PCDHGB3: variants seen among roughly 807,000 people sequenced by gnomAD.
PCDHGB3 encodes the protein protocadherin gamma subfamily B, 3, also known as protocadherin gamma-B3.
A neutral mutation model predicts 59.2 loss-of-function variants in PCDHGB3; 40 were observed. That is an observed-to-expected ratio of 0.68 (90% confidence interval 0.52 to 0.88). The LOEUF is 0.88. PCDHGB3 is among the 40% of genes least tolerant of loss of function. The pLI is 0.00. For missense variants in PCDHGB3, 1,309 were observed against 1,187.9 expected (o/e 1.10, Z -1.50); for synonymous variants, 581 against 503.6 (o/e 1.15, Z -2.06).
At chr5:141,386,725 TA>T (rs1200567298) in intron 1 of PCDHGB3, among the ~76,000 whole-genome samples, 3 of 152,182 alleles carry the variant, frequency 2.0e-5, no homozygotes, top group African/African-American at 7.2e-5. Context: ...CCAACAATGT[TA>T]CTGAGGGAAG....
chr5:141,412,343 A>T (rs928223487), intron 1 of PCDHGB3: 2 of 152,166 alleles, frequency 1.3e-5, no homozygotes, highest in African/African-American at 4.8e-5. Context: ...ATATATGTTC[A>T]TTTTAGTTTG....
intron 2 of PCDHGB3, among the ~76,000 whole-genome samples, chr5:141,497,264 A>G (rs2154592078): frequency 6.6e-6 from 1 of 152,258 alleles, no homozygotes; most frequent in East Asian, 1.9e-4. Flanking sequence ...GAGAAGTTCT[A>G]GGCCATTTAT....
intron 1 of PCDHGB3, chr5:141,427,503 A>C (rs1317684577): frequency 6.9e-6 from 4 of 578,118 alleles, no homozygotes; most frequent in Non-Finnish European, 9.8e-6. Flanking sequence ...AACAGATGGG[A>C]CCCTGGATTG....
At chr5:141,390,024 CG>C (rs1561629846) in intron 1 of PCDHGB3, 1 of 1,614,044 alleles carries the variant, frequency 6.2e-7, no homozygotes, top group African/African-American at 1.3e-5. Context: ...CTTGCGCCTG[CG>C]ACGCTCCTCC....
Position 141,376,056 on chromosome 5 carries a change from T to C in PCDHGB3, c.2415+3247T>C, listed in dbSNP as rs768295127. 1.1e-5 allele frequency: 18 copies of C among 1,613,354 alleles called. No individual in the cohort carries two copies. In the South Asian group the frequency reaches 1.9e-4, roughly 17 times the overall value. ...GGCCAGCCCCCTCTCTCCGCCACTG[T>C]CACGCTCACCGTGGCCGTGGCCGAC... On this transcript the variant is annotated intron_variant, in intron 1 of 3. Coordinates refer to ENST00000576222, the MANE Select transcript of PCDHGB3 (RefSeq NM_018924.5).
Position 141,432,741 on chromosome 5 carries a change from C to A in PCDHGB3, c.2415+59932C>A. 6.2e-7 allele frequency: 1 copy of A among 1,614,106 alleles called. No individual in the cohort carries two copies. The highest frequency in any genetic ancestry group is 8.5e-7 in the Non-Finnish European group (1 of 1,179,988). On this transcript the variant is annotated intron_variant, in intron 1 of 3. Transcript: ENST00000576222. The surrounding 1 kb of genome is among the most constrained non-coding windows in gnomAD (Gnocchi z 6.0). ...CCTCTCTCCGCCACTGTCACGCTCA[C>A]CGTGGCCGTGGCCGACAGCATCCCC...
intron 1 of PCDHGB3, among the ~76,000 whole-genome samples, chr5:141,443,679 A>G (rs1158105871): frequency 6.6e-6 from 1 of 152,268 alleles, no homozygotes; most frequent in African/African-American, 2.4e-5. Flanking sequence ...AGTAGTTTAC[A>G]AACACTTCAA....
chr5:141,400,292 G>T, intron 1 of PCDHGB3: 1 of 1,614,078 alleles, frequency 6.2e-7, no homozygotes, highest in South Asian at 1.1e-5. Flanking sequence ...GCCTGGAGCT[G>T]CTTCCAACCT....
In PCDHGB3 at chr5:141,476,432, G is replaced by T; in HGVS notation, c.2416-18375G>T. 6.2e-7 allele frequency: 1 copy of T among 1,614,116 alleles called. No individual in the cohort carries two copies. The highest frequency in any genetic ancestry group is 8.5e-7 in the Non-Finnish European group (1 of 1,180,028). ...GTGTGGGACACTGCCCTCTTGCACT[G>T]TAACTCTGGAGTTGGTAGTGGAGAA... On this transcript the variant is annotated intron_variant, in intron 1 of 3. Coordinates refer to ENST00000576222, the MANE Select transcript of PCDHGB3 (RefSeq NM_018924.5). The surrounding 1 kb of genome is among the most constrained non-coding windows in gnomAD (Gnocchi z 7.6).
rs61612330 is a variant in PCDHGB3 at position 141,454,796 on chromosome 5, A to ATTTTTTTTT, written c.2416-39990_2416-39982dup. Among the ~76,000 whole-genome samples the ATTTTTTTTT allele has an allele frequency of 8.2e-3, 638 of 77,468 alleles. 91 individuals carry two copies. The highest frequency in any genetic ancestry group is 0.025 in the African/African-American group (426 of 16,886). 50.8% of individuals were successfully genotyped at this position (77,468 alleles called of 152,430 possible). On this transcript the variant is annotated intron_variant, in intron 1 of 3. Coordinates refer to ENST00000576222, the MANE Select transcript of PCDHGB3 (RefSeq NM_018924.5). ...AAGGAAATAATCCTCCATGGTTCTA[A>ATTTTTTTTT]TTTTTTTTTTTTTTTTTTTTTTTTT...
At chr5:141,484,672 A>G (rs1253641119) in intron 1 of PCDHGB3, among the ~76,000 whole-genome samples, 1 of 151,990 alleles carries the variant, frequency 6.6e-6, no homozygotes, top group African/African-American at 2.4e-5. Flanking sequence ...AGTGGGCCGC[A>G]GGTTGCTAGG....
At chr5:141,410,393 C>G in intron 1 of PCDHGB3, 3 of 1,614,046 alleles carry the variant, frequency 1.9e-6, no homozygotes, top group Non-Finnish European at 2.5e-6. Flanking sequence ...CCATCCTGGT[C>G]TCTGTGTCAA....
At chr5:141,403,150 C>G (rs1420317278) in intron 1 of PCDHGB3, 2 of 1,614,046 alleles carry the variant, frequency 1.2e-6, no homozygotes, top group Non-Finnish European at 1.7e-6. Flanking sequence ...GAGTCCGCAT[C>G]GTCTCTAGAG....
intron 1 of PCDHGB3, chr5:141,396,416 C>T (rs1336875388): frequency 6.6e-6 from 1 of 152,140 alleles, no homozygotes; most frequent in Non-Finnish European, 1.5e-5. Flanking sequence ...GTCAGGAGTT[C>T]AAGATCAGCC....
chr5:141,427,743 T>A, intron 1 of PCDHGB3: 5 of 1,249,166 alleles, frequency 4.0e-6, no homozygotes, highest in Non-Finnish European at 5.8e-6. Context: ...CCAAGTCTCC[T>A]ACTCCATCGT....
At chr5:141,398,611 A>G (rs2093677658) in intron 1 of PCDHGB3, 4 of 1,613,944 alleles carry the variant, frequency 2.5e-6, no homozygotes, top group African/African-American at 1.3e-5. Context: ...AGATGCAGAT[A>G]TTGGCTTAAA....
At chr5:141,397,943 C>T in intron 1 of PCDHGB3, 1 of 892,874 alleles carries the variant, frequency 1.1e-6, no homozygotes, top group South Asian at 1.8e-5. Flanking sequence ...GCGCGCTTTC[C>T]AGGGCAGCCC....
chr5:141,415,588 A>G lies in PCDHGB3; in HGVS notation c.2415+42779A>G, dbSNP rs769216282. 3.3e-5 allele frequency: 53 copies of G among 1,613,874 alleles called. No individual in the cohort carries two copies. Among genetic ancestry groups the G allele is most frequent in the Admixed American group, 3.3e-5 (2 of 59,998 alleles). ...TTTGTTAGATGATTCGAAGTTTCCT[A>G]TAGAGGATACCCCATTGGTTCCAGT... On this transcript the variant is annotated intron_variant, in intron 1 of 3. Transcript: ENST00000576222.
chr5:141,370,405 G>T lies in PCDHGB3; in HGVS notation c.11G>T (p.Ser4Ile). 3 of 1,559,818 alleles carry T rather than the reference G, an allele frequency of 1.9e-6. No individual in the cohort carries two copies. Among genetic ancestry groups the T allele is most frequent in the Non-Finnish European group, 2.6e-6 (3 of 1,155,278 alleles). ...GGCGCAGAGAGCGGGATGGGAAATA[G>T]CTCCGGATGGAGGGGCCCAGCAGGG... MGNSSGWRGPAGQR... is the reference protein window; with the variant it reads MGNISGWRGPAGQR... The change falls in exon 1 of 4, where the codon AGC becomes ATC. Residue 4 changes from serine (S) to isoleucine (I), a missense_variant. Coordinates refer to ENST00000576222, the MANE Select transcript of PCDHGB3 (RefSeq NM_018924.5).
Sources: gnomAD v4.1 joint callset for allele counts (sites outside exome capture counted in the v4.1 genomes callset) on GRCh38, gnomAD v4.1.1 for gene constraint, Gnocchi (gnomAD v3.1) non-coding constraint, MANE v1.5 for transcripts, NCBI Gene and HGNC (gene_info 2026-07-23, HGNC 2026-07-21) for gene names.